Variants in SLC1A6 observed in about 807,000 individuals in gnomAD.
SLC1A6 encodes the protein excitatory amino acid transporter 4.
SLC1A6 carries 15 observed loss-of-function variants against 42.1 expected under a neutral mutation model. The observed-to-expected ratio is 0.36, with a 90% CI of 0.24 to 0.55. SLC1A6 has a LOEUF of 0.55. SLC1A6 is among the 20% of genes least tolerant of loss of function. The probability of loss-of-function intolerance (pLI) is 0.88; values close to 1 mark genes in which losing one functional copy is unlikely to be tolerated. For synonymous variants in SLC1A6, 317 were observed against 319.7 expected (o/e 0.99, Z 0.09); for missense variants, 542 against 772.5 (o/e 0.70, Z 3.54).
upstream of SLC1A6, among the ~76,000 whole-genome samples, chr19:14,983,414 G>A (rs1203855737): frequency 6.6e-6 from 1 of 152,058 alleles, no homozygotes; most frequent in East Asian, 1.9e-4. Context: ...TGGGTGTGGT[G>A]GCTCACACTT....
In SLC1A6 at chr19:14,950,372, C is replaced by T; in HGVS notation, c.1518G>A (p.Met506Ile). ...VDWFLDRLRT[M>I]TNVLGDSIGA... ...CAATTGAGTCCCCCAGTACGTTGGT[C>T]ATTGTGCGAAGCCGGTCACTGGTAC... Residue 506 changes from methionine to isoleucine, a missense_variant, in exon 10 of 10, where the codon ATG becomes ATA. By Grantham distance (10) the Met-to-Ile change is conservative (BLOSUM62 1). Around this residue, in one of 6 missense-constraint regions of SLC1A6, gnomAD observed 73 missense variants for 85.2 expected, o/e 0.86. Transcript: ENST00000594383. The T allele has an allele frequency of 6.3e-7, 1 of 1,590,746 alleles. No individual in the cohort carries two copies. The highest frequency in any genetic ancestry group is 8.6e-7 in the Non-Finnish European group (1 of 1,164,452).
upstream of SLC1A6, chr19:14,979,982 C>G (rs546498744): frequency 2.0e-5 from 3 of 152,268 alleles, no homozygotes; most frequent in Non-Finnish European, 4.4e-5. This position sits in a 1 kb window ranked among gnomAD's most constrained non-coding sequence, Gnocchi z 4.2. Context: ...GCCCCAGCAT[C>G]CCTGGCGGAG....
At chr19:14,956,242 G>T (rs958507995) in intron 7 of SLC1A6, among the ~76,000 whole-genome samples, 10 of 152,060 alleles carry the variant, frequency 6.6e-5, no homozygotes, top group Non-Finnish European at 5.9e-5. Flanking sequence ...CCTCAAAACT[G>T]GTACCTGGTT....
chr19:15,001,023 G>T (rs1357275206), intron 1 of SLC1A6, among the ~76,000 whole-genome samples: 1 of 152,216 alleles, frequency 6.6e-6, no homozygotes, highest in African/African-American at 2.4e-5. Flanking sequence ...TGAACAGCTA[G>T]AACAGGAATG....
intron 1 of SLC1A6, among the ~76,000 whole-genome samples, chr19:14,999,052 G>T (rs2045861030): frequency 6.6e-6 from 1 of 151,748 alleles, no homozygotes; most frequent in African/African-American, 2.4e-5. Flanking sequence ...TAATTTTTTT[G>T]TATTTTTAGT....
intron 1 of SLC1A6, among the ~76,000 whole-genome samples, chr19:14,990,711 G>T (rs1000767876): frequency 6.6e-6 from 1 of 151,760 alleles, no homozygotes; most frequent in African/African-American, 2.4e-5. Context: ...GGAGGTTGCA[G>T]TGAGCCAAGA....
In SLC1A6 at chr19:14,972,760, G is replaced by T. The variant is rs558935555; in HGVS notation, c.151C>A (p.Arg51Ser). 1 of 1,614,008 alleles carries T rather than the reference G, an allele frequency of 6.2e-7. No homozygotes were observed. The highest frequency in any genetic ancestry group is 8.5e-7 in the Non-Finnish European group (1 of 1,180,028). ...ATGAAGGCGTTTCGGCGCAGGAAGC[G>T]CAGCACGTGCTCGAGGGTCATGGTC... The part of the protein sequence containing the change: ...LQTMTLEHVL[R>S]FLRRNAFILL... The change falls in exon 2 of 10, where the codon CGC becomes AGC. Residue 51 changes from arginine (R) to serine (S), a missense_variant. By Grantham distance (110) the Arg-to-Ser change is moderately radical. Coordinates refer to ENST00000594383, the MANE Select transcript of SLC1A6 (RefSeq NM_005071.3).
chr19:14,986,997 T>C (rs1414413853), intron 1 of SLC1A6, among the ~76,000 whole-genome samples: 2 of 152,170 alleles, frequency 1.3e-5, no homozygotes, highest in African/African-American at 2.4e-5. Context: ...CCCTTACTTT[T>C]GCTCCATGAG....
At chr19:14,978,256 C>T (rs62113317) in intron 1 of SLC1A6, 18,831 of 152,166 alleles carry the variant, frequency 0.12, 1,344 homozygotes, top group African/African-American at 0.21. Context: ...TGGGCTGCTT[C>T]TCGGAGCCTC....
chr19:15,000,314 T>C (rs1304275801), intron 1 of SLC1A6, among the ~76,000 whole-genome samples: 1 of 152,240 alleles, frequency 6.6e-6, no homozygotes, highest in East Asian at 1.9e-4. Flanking sequence ...ACAGATCTGT[T>C]GAACTTATTC....
In SLC1A6 at chr19:14,975,471, C is replaced by T. The variant is rs757235835; in HGVS notation, c.-7-2554G>A. Among the ~76,000 whole-genome samples, 7 of 151,998 alleles carry T rather than the reference C, an allele frequency of 4.6e-5. No homozygotes were observed. In the South Asian group the frequency reaches 6.2e-4, roughly 14 times the overall value. On this transcript the variant is annotated intron_variant, in intron 1 of 9. Coordinates refer to ENST00000594383, the MANE Select transcript of SLC1A6 (RefSeq NM_005071.3). The stretch of plus-strand genomic sequence containing the variant: ...AAAAGGGAAGCAAAAAAAATGAAAA[C>T]GGCCAGGGCGCAGTGGCTCACATCT...
At chr19:14,976,478 C>G (rs1166481030) in intron 1 of SLC1A6, among the ~76,000 whole-genome samples, 1 of 152,186 alleles carries the variant, frequency 6.6e-6, no homozygotes, top group Non-Finnish European at 1.5e-5. Flanking sequence ...AACACACATA[C>G]AACTGGAGGC....
intron 1 of SLC1A6, among the ~76,000 whole-genome samples, chr19:14,976,362 T>C (rs1414066827): frequency 1.3e-5 from 2 of 152,250 alleles, no homozygotes; most frequent in Non-Finnish European, 2.9e-5. Context: ...CACATTTATA[T>C]CAATATCACA....
chr19:14,995,377 G>A, intron 1 of SLC1A6, among the ~76,000 whole-genome samples: 2 of 149,942 alleles, frequency 1.3e-5, no homozygotes, highest in Non-Finnish European at 1.5e-5. Flanking sequence ...AAAGGGAAGG[G>A]AAGGGAAGGG....
At chr19:15,009,177 G>A (rs547049746) in intron 1 of SLC1A6, among the ~76,000 whole-genome samples, 11 of 79,348 alleles carry the variant, frequency 1.4e-4, no homozygotes, top group East Asian at 5.8e-4. Context: ...CATATATATA[G>A]CATATCTATA....
chr19:14,962,209 G>A lies in SLC1A6; in HGVS notation c.728C>T (p.Ala243Val). Residue 243 changes from alanine to valine, a missense_variant, in exon 6 of 10, where the codon GCC (alanine) becomes GTC (valine). By Grantham distance (64) the Ala-to-Val change is moderately conservative. This residue lies in a region of SLC1A6 where 298 missense variants were observed against 419.4 expected (regional missense o/e 0.71). Transcript: ENST00000594383. The part of the protein sequence containing the change: ...GTSFLENVTR[A>V]LGTLQEMLSF... The stretch of plus-strand genomic sequence containing the variant: ...CAGCATCTCCTGCAGGGTACCCAAG[G>A]CCCGAGTGACATTTTCCAGGAAGCT... 1 of 1,614,154 alleles carries A rather than the reference G, an allele frequency of 6.2e-7. No individual in the cohort carries two copies. Among genetic ancestry groups the A allele is most frequent in the South Asian group, 1.1e-5 (1 of 91,086 alleles).
At chr19:14,959,633 C>T (rs1219396775) in intron 6 of SLC1A6, among the ~76,000 whole-genome samples, 1 of 152,180 alleles carries the variant, frequency 6.6e-6, no homozygotes, top group Non-Finnish European at 1.5e-5. Flanking sequence ...GATCTGACAG[C>T]CTTGTTAATA....
intron 1 of SLC1A6, among the ~76,000 whole-genome samples, chr19:14,991,447 A>AC (rs2045819577): frequency 6.6e-6 from 1 of 151,958 alleles, no homozygotes; most frequent in Admixed American, 6.6e-5. Context: ...GCATGGTGAA[A>AC]CCCCATCTCT....
intron 7 of SLC1A6, among the ~76,000 whole-genome samples, 168 bp from the exon 8 acceptor site, chr19:14,954,497 T>TCACATGGG (rs1307677017): frequency 3.3e-5 from 5 of 150,458 alleles, no homozygotes; most frequent in Non-Finnish European, 7.4e-5. Flanking sequence ...TAGGGCTGGG[T>TCACATGGG]CACATGGGCG....
Sources: gnomAD v4.1 joint callset for allele counts (sites outside exome capture counted in the v4.1 genomes callset) on GRCh38, gnomAD v4.1.1 for gene constraint, gnomAD v4.1.1 regional missense constraint, Gnocchi (gnomAD v3.1) non-coding constraint, MANE v1.5 for transcripts, NCBI Gene and HGNC (gene_info 2026-07-23, HGNC 2026-07-21) for gene names.